Variants in TMEM232 observed in about 807,000 individuals in gnomAD.
The protein encoded by TMEM232 is transmembrane protein 232.
TMEM232 carries 80 observed loss-of-function variants against 78.8 expected under a neutral mutation model. That is an observed-to-expected ratio of 1.01 (90% CI 0.85 to 1.22). TMEM232 has a LOEUF of 1.22. Ranked by LOEUF, TMEM232 falls within the 50% of genes most tolerant of loss-of-function variation. The pLI is 0.00. For synonymous variants in TMEM232, 297 were observed against 254.3 expected, an observed-to-expected ratio of 1.17 and a Z score of -1.60; for missense variants, 881 against 742.2, an observed-to-expected ratio of 1.19 and a Z score of -2.17.
rs371104502 is a variant in TMEM232 at position 110,630,587 on chromosome 5, C to T, written c.502-2707G>A. ...TTTCACTCTCTCTCTCCTTCTCTAACATGTGAAGATATGCTTGCTTCTCCT... is the reference window on the plus strand; with the variant it reads ...TTTCACTCTCTCTCTCCTTCTCTAATATGTGAAGATATGCTTGCTTCTCCT... On this transcript the variant is annotated intron_variant, in intron 5 of 13. Transcript: ENST00000455884. Among the ~76,000 whole-genome samples the T allele has an allele frequency of 5.3e-5, 8 of 152,250 alleles. 1 individual carries two copies. The highest frequency in any genetic ancestry group is 3.9e-4 in the East Asian group (2 of 5,170).
At chr5:110,540,554 T>G (rs1205421406) in intron 11 of TMEM232, among the ~76,000 whole-genome samples, 2 of 152,216 alleles carry the variant, frequency 1.3e-5, no homozygotes, top group Non-Finnish European at 2.9e-5. Flanking sequence ...ATTCATATGT[T>G]AGCCAGCCTA....
chr5:110,481,254 TA>T (rs1763830102), intron 12 of TMEM232, among the ~76,000 whole-genome samples: 1 of 152,118 alleles, frequency 6.6e-6, no homozygotes, highest in Non-Finnish European at 1.5e-5. Flanking sequence ...TGCACTGTTA[TA>T]GGTGCTAAAA....
At chr5:110,594,979 A>T (rs1779979263) in intron 10 of TMEM232, among the ~76,000 whole-genome samples, 1 of 152,168 alleles carries the variant, frequency 6.6e-6, no homozygotes, top group Admixed American at 6.5e-5. Flanking sequence ...CCTGACTGGG[A>T]GATGCCTCCC....
Position 110,437,435 on chromosome 5 carries a change from C to T in TMEM232, c.1704-12519G>A, listed in dbSNP as rs1316523629. Among the ~76,000 whole-genome samples, 3 of 151,730 alleles carry T rather than the reference C, an allele frequency of 2.0e-5. 1 individual carries two copies. Among genetic ancestry groups the T allele is most frequent in the Admixed American group, 2.0e-4 (3 of 15,200 alleles). ...TATGAAAGGCTATAAAGAAAAGCAA[C>T]AAAATGAATTAAACATTTCAAGATA... On this transcript the variant is annotated intron_variant, in intron 12 of 13. Coordinates refer to ENST00000455884, the MANE Select transcript of TMEM232 (RefSeq NM_001039763.4).
At chr5:110,679,717 A>C (rs10054269) in intron 1 of TMEM232, among the ~76,000 whole-genome samples, 11,344 of 150,068 alleles carry the variant, frequency 0.076, 525 homozygotes, top group South Asian at 0.19. Flanking sequence ...CATAATATTT[A>C]TCTCCATATT....
In TMEM232 at chr5:110,605,359, C is replaced by T; in HGVS notation, c.1027-1G>A. On this transcript the variant is annotated splice_acceptor_variant, in intron 9 of 13. Coordinates refer to ENST00000455884, the MANE Select transcript of TMEM232 (RefSeq NM_001039763.4). LOFTEE classifies it high-confidence loss of function. ...AATCATCTACCTTGCAACTTTCTTC[C>T]TGAAATGAGAAAATAGATATTTGAT... is the stretch of plus-strand genomic sequence containing the variant. 1 of 1,539,058 alleles carries T rather than the reference C, an allele frequency of 6.5e-7. No individual in the cohort carries two copies. Among genetic ancestry groups the T allele is most frequent in the Non-Finnish European group, 8.8e-7 (1 of 1,140,716 alleles).
chr5:110,667,757 G>A (rs1023348734), intron 1 of TMEM232: 1 of 153,324 alleles, frequency 6.5e-6, no homozygotes, highest in African/African-American at 2.4e-5. Context: ...TTCAATATAT[G>A]TAAATTGCTT....
chr5:110,542,608 G>A (rs867907057), intron 11 of TMEM232, among the ~76,000 whole-genome samples: 1 of 152,014 alleles, frequency 6.6e-6, no homozygotes, highest in Non-Finnish European at 1.5e-5. Context: ...AAGACCATCG[G>A]TCCTTCTGCT....
chr5:110,656,378 C>T (rs970074299), intron 2 of TMEM232, among the ~76,000 whole-genome samples: 1 of 152,174 alleles, frequency 6.6e-6, no homozygotes, highest in Non-Finnish European at 1.5e-5. Flanking sequence ...TCTCAAGTTC[C>T]ACAACACAGC....
At chr5:110,698,500 T>C (rs1795066445) in intron 1 of TMEM232, among the ~76,000 whole-genome samples, 1 of 152,116 alleles carries the variant, frequency 6.6e-6, no homozygotes, top group South Asian at 2.1e-4. Flanking sequence ...GGTTGACAGA[T>C]GGCATAGTCG....
intron 2 of TMEM232, among the ~76,000 whole-genome samples, chr5:110,410,810 T>G (rs1415801072): frequency 6.6e-6 from 1 of 152,140 alleles, no homozygotes; most frequent in Non-Finnish European, 1.5e-5. Context: ...TCAACTGGTT[T>G]GAGTTTGCAT....
upstream of TMEM232, chr5:110,738,678 T>C (rs150439637): frequency 4.5e-3 from 1,031 of 227,794 alleles, 16 homozygotes; most frequent in African/African-American, 0.024. Context: ...CACTGAGATC[T>C]GGGGCGTAGC....
chr5:110,541,977 A>C (rs977451279), intron 11 of TMEM232, among the ~76,000 whole-genome samples: 4 of 152,122 alleles, frequency 2.6e-5, no homozygotes, highest in Admixed American at 1.3e-4. Context: ...TACAACCCAA[A>C]TGGAAGGCAC....
intron 3 of TMEM232, among the ~76,000 whole-genome samples, chr5:110,391,037 A>G (rs907652731): frequency 2.0e-5 from 3 of 152,228 alleles, no homozygotes; most frequent in Middle Eastern, 3.2e-3. Flanking sequence ...CAATGATGCC[A>G]CAGTGGTTTA....
At chr5:110,505,911 T>C (rs902576134) in intron 12 of TMEM232, among the ~76,000 whole-genome samples, 7 of 152,306 alleles carry the variant, frequency 4.6e-5, no homozygotes, top group African/African-American at 1.4e-4. Flanking sequence ...ACTCAGAATT[T>C]TGTCAAGGGG....
intron 12 of TMEM232, among the ~76,000 whole-genome samples, chr5:110,496,293 A>C (rs1212555620): frequency 9.2e-5 from 14 of 152,052 alleles, no homozygotes; most frequent in Non-Finnish European, 2.1e-4. Context: ...CATAAAAACA[A>C]GTGTTACTTT....
chr5:110,442,512 T>A (rs1279213494), intron 12 of TMEM232, among the ~76,000 whole-genome samples: 1 of 152,124 alleles, frequency 6.6e-6, no homozygotes, highest in Non-Finnish European at 1.5e-5. Context: ...CTGATAGAAT[T>A]CTGAATTCCT....
At chr5:110,556,615 G>C (rs774259464) in intron 11 of TMEM232, among the ~76,000 whole-genome samples, 1 of 152,042 alleles carries the variant, frequency 6.6e-6, no homozygotes, top group Non-Finnish European at 1.5e-5. Flanking sequence ...TCTTGAACTC[G>C]AGCTCCGGTG....
intron 8 of TMEM232, among the ~76,000 whole-genome samples, chr5:110,610,259 G>A: frequency 6.8e-6 from 1 of 147,894 alleles, no homozygotes; most frequent in Non-Finnish European, 1.5e-5. Flanking sequence ...AGGAAGGGAG[G>A]AAGGGAGGAA....
Sources: gnomAD v4.1 joint callset for allele counts (sites outside exome capture counted in the v4.1 genomes callset) on GRCh38, gnomAD v4.1.1 for gene constraint, MANE v1.5 for transcripts, NCBI Gene and HGNC (gene_info 2026-07-23, HGNC 2026-07-21) for gene names.